The following LRRC1 variants were observed in gnomAD, a reference collection of about 807,000 sequenced individuals.
LRRC1 encodes the protein leucine rich repeat containing 1, also known as leucine-rich repeat-containing protein 1.
LRRC1 carries 28 observed loss-of-function variants against 69.9 expected under a neutral mutation model. The observed-to-expected ratio is 0.40, with a 90% CI of 0.30 to 0.55. The LOEUF (loss-of-function observed/expected upper bound fraction) is 0.55. Among genes scored for constraint, LRRC1 ranks in the 20% least tolerant of loss-of-function variants. The pLI is 0.47. For missense variants in LRRC1, 498 were observed against 609.0 expected (o/e 0.82, Z 1.92); for synonymous variants, 236 against 240.2 (o/e 0.98, Z 0.16).
chr6:53,822,703 T>G (rs1765149803), intron 1 of LRRC1, among the ~76,000 whole-genome samples: 1 of 152,238 alleles, frequency 6.6e-6, no homozygotes, highest in Non-Finnish European at 1.5e-5. Context: ...GAAATCTCAC[T>G]GACTGTAACT....
At chr6:53,799,623 A>G (rs1224290544) in intron 1 of LRRC1, among the ~76,000 whole-genome samples, 1 of 152,234 alleles carries the variant, frequency 6.6e-6, no homozygotes, top group African/African-American at 2.4e-5. Context: ...ATCTTCATGC[A>G]TTGTAAACAT....
chr6:53,882,121 G>T (rs1208942548), intron 3 of LRRC1, among the ~76,000 whole-genome samples: 3 of 152,072 alleles, frequency 2.0e-5, no homozygotes, highest in Non-Finnish European at 4.4e-5. Context: ...GGCCAAGGCG[G>T]GTGGATCACT....
chr6:53,857,988 T>C (rs1248616669), intron 2 of LRRC1, among the ~76,000 whole-genome samples: 2 of 152,232 alleles, frequency 1.3e-5, no homozygotes, highest in Non-Finnish European at 2.9e-5. Context: ...GTGTACATGT[T>C]TGATCAGCGT....
chr6:53,843,318 A>G (rs889902163), intron 2 of LRRC1, among the ~76,000 whole-genome samples: 39 of 152,206 alleles, frequency 2.6e-4, no homozygotes, highest in Non-Finnish European at 2.5e-4. Context: ...CAAAAACCCC[A>G]GGTCCCAGAC....
chr6:53,909,266 G>A (rs1768337052), intron 10 of LRRC1, among the ~76,000 whole-genome samples: 1 of 151,610 alleles, frequency 6.6e-6, no homozygotes, highest in Admixed American at 6.6e-5. Flanking sequence ...AACAGATTGT[G>A]AAACTAAGAC....
At chr6:53,834,774 C>T (rs1765562842) in intron 1 of LRRC1, among the ~76,000 whole-genome samples, 2 of 152,078 alleles carry the variant, frequency 1.3e-5, no homozygotes, top group African/African-American at 4.8e-5. Context: ...GAGATCGAGG[C>T]CATCCTGGCT....
At chr6:53,797,975 A>G (rs1451421632) in intron 1 of LRRC1, among the ~76,000 whole-genome samples, 3 of 152,064 alleles carry the variant, frequency 2.0e-5, no homozygotes, top group Non-Finnish European at 4.4e-5. Flanking sequence ...CTCCTGTTTT[A>G]CTCATGTCAT....
At chr6:53,873,884 A>G (rs1268767342) in intron 2 of LRRC1, among the ~76,000 whole-genome samples, 3 of 152,170 alleles carry the variant, frequency 2.0e-5, no homozygotes, top group Non-Finnish European at 2.9e-5. Context: ...TGGGTTTGTC[A>G]TAAGTGGCCT....
rs145423730 is a variant in LRRC1, at chr6:53,813,954, T to C, written c.159+18539T>C. On this transcript the variant is annotated intron_variant, in intron 1 of 13. Coordinates refer to ENST00000370888, the MANE Select transcript of LRRC1 (RefSeq NM_018214.5). ...AGGAACTGCAGATTGTGTTGGAAATTTTGCTAGCTCCTTCTGAAACCCTTG... is the reference window on the plus strand; with the variant it reads ...AGGAACTGCAGATTGTGTTGGAAATCTTGCTAGCTCCTTCTGAAACCCTTG... Among the ~76,000 whole-genome samples, 19 of 152,290 alleles carry C rather than the reference T, an allele frequency of 1.2e-4. No homozygotes were observed. The East Asian group carries it at 3.3e-3, about 26-fold the overall frequency.
At chr6:53,896,104 C>T (rs1345503822) in intron 4 of LRRC1, among the ~76,000 whole-genome samples, 1 of 152,178 alleles carries the variant, frequency 6.6e-6, no homozygotes, top group Non-Finnish European at 1.5e-5. Flanking sequence ...ACTAAAGGTG[C>T]TACTGTTTTA....
chr6:53,903,047 C>T (rs1333589820), intron 9 of LRRC1, among the ~76,000 whole-genome samples: 1 of 152,084 alleles, frequency 6.6e-6, no homozygotes, highest in East Asian at 1.9e-4. Flanking sequence ...TGTTGATGCC[C>T]CAGCTGTGGT....
chr6:53,816,433 T>C (rs938025570), intron 1 of LRRC1, among the ~76,000 whole-genome samples: 2 of 151,812 alleles, frequency 1.3e-5, no homozygotes, highest in African/African-American at 4.8e-5. Flanking sequence ...GCCCTTGGTA[T>C]CTCTGTCAAA....
intron 2 of LRRC1, among the ~76,000 whole-genome samples, chr6:53,850,734 C>T (rs750041601): frequency 1.3e-5 from 2 of 152,158 alleles, no homozygotes; most frequent in African/African-American, 2.4e-5. Context: ...TATTGCTGTT[C>T]AGTTTACAGT....
intron 10 of LRRC1, among the ~76,000 whole-genome samples, chr6:53,912,306 G>C (rs9474681): frequency 0.047 from 7,229 of 152,264 alleles, 629 homozygotes; most frequent in African/African-American, 0.17. Flanking sequence ...AAAGCGTTCT[G>C]TGAAGACTCA....
intron 1 of LRRC1, among the ~76,000 whole-genome samples, chr6:53,840,923 T>TGC (rs1233714174): frequency 7.1e-6 from 1 of 139,958 alleles, no homozygotes; most frequent in African/African-American, 2.6e-5. Flanking sequence ...TGTGTGTGTG[T>TGC]GTGTGCGTGC....
At chr6:53,808,804 C>G (rs574161641) in intron 1 of LRRC1, among the ~76,000 whole-genome samples, 1 of 152,218 alleles carries the variant, frequency 6.6e-6, no homozygotes, top group East Asian at 1.9e-4. Context: ...AGAGAGACAT[C>G]CATGACCCCT....
At chr6:53,813,605 A>T (rs528901929) in intron 1 of LRRC1, among the ~76,000 whole-genome samples, 1 of 133,532 alleles carries the variant, frequency 7.5e-6, no homozygotes, top group South Asian at 2.6e-4. Context: ...TTAAGTGTTC[A>T]GTAATTAAAA....
intron 1 of LRRC1, among the ~76,000 whole-genome samples, chr6:53,808,079 C>T (rs1031405478): frequency 1.3e-5 from 2 of 152,130 alleles, no homozygotes; most frequent in Non-Finnish European, 2.9e-5. Flanking sequence ...AGATCATAAG[C>T]CTATGAGATA....
chr6:53,904,996 C>CT (rs778045189), intron 10 of LRRC1: 44 of 151,644 alleles, frequency 2.9e-4, no homozygotes, highest in Non-Finnish European at 3.5e-4. Flanking sequence ...CTTCCTAGGA[C>CT]TTTTTTTTTG....
Sources: gnomAD v4.1 joint callset for allele counts (sites outside exome capture counted in the v4.1 genomes callset) on GRCh38, gnomAD v4.1.1 for gene constraint, MANE v1.5 for transcripts, NCBI Gene and HGNC (gene_info 2026-07-23, HGNC 2026-07-21) for gene names.